Variants in RTN1 observed in about 807,000 individuals in gnomAD.
RTN1 encodes the protein reticulon-1.
Under a neutral mutation model 65.5 loss-of-function variants are expected in RTN1, and 25 were observed. The observed-to-expected ratio is 0.38, with a 90% CI of 0.28 to 0.53. RTN1 has a LOEUF of 0.53. Among genes scored for constraint, RTN1 ranks in the 20% least tolerant of loss-of-function variants. RTN1 has a pLI of 0.79. For synonymous variants in RTN1, 471 were observed against 447.6 expected (o/e 1.05, Z -0.66); for missense variants, 983 against 1,025.4 (o/e 0.96, Z 0.57).
intron 1 of RTN1, among the ~76,000 whole-genome samples, chr14:59,771,100 A>G (rs766365088): frequency 1.4e-4 from 22 of 152,056 alleles, no homozygotes; most frequent in Non-Finnish European, 2.8e-4. Flanking sequence ...TATCAAAGTC[A>G]TCCCTCATCA....
chr14:59,640,084 C>T (rs1469254532), intron 3 of RTN1, among the ~76,000 whole-genome samples: 2 of 152,208 alleles, frequency 1.3e-5, no homozygotes, highest in South Asian at 2.1e-4. Flanking sequence ...ATGTTACTCC[C>T]TCCTGTATTT....
At chr14:59,869,209 A>C (rs1887846867) in intron 1 of RTN1, among the ~76,000 whole-genome samples, 1 of 151,926 alleles carries the variant, frequency 6.6e-6, no homozygotes, top group Admixed American at 6.6e-5. Flanking sequence ...TAGACATTCC[A>C]CATAACCCTT....
At position 59,712,342 on chromosome 14, in the gene RTN1, T is replaced by C. The variant is rs141994453; in HGVS notation, c.1765+14577A>G. On this transcript the variant is annotated intron_variant, in intron 3 of 8. Coordinates refer to ENST00000267484, the MANE Select transcript of RTN1 (RefSeq NM_021136.3). ...AAAATACTGATCTACAGATGTTATA[T>C]CCACATATTATATTCTGAGATATTA... Among the ~76,000 whole-genome samples the C allele has an allele frequency of 9.4e-4, 143 of 152,338 alleles. 1 individual carries two copies. The highest frequency in any genetic ancestry group is 3.3e-3 in the African/African-American group (137 of 41,574).
chr14:59,836,670 G>A lies in RTN1; in HGVS notation c.241+33720C>T, dbSNP rs1451507226. On this transcript the variant is annotated intron_variant, in intron 1 of 8. Coordinates refer to ENST00000267484, the MANE Select transcript of RTN1 (RefSeq NM_021136.3). The surrounding 1 kb of genome is among the most constrained non-coding windows in gnomAD (Gnocchi z 4.9). ...GGAATCCAGAATGACAGGGCAAAGG[G>A]TGTGTTGGGGAGTAGTGAGAGAGAA... Among the ~76,000 whole-genome samples the A allele has an allele frequency of 2.0e-5, 3 of 152,142 alleles. No homozygotes were observed. The highest frequency in any genetic ancestry group is 2.0e-4 in the Admixed American group (3 of 15,266).
intron 1 of RTN1, among the ~76,000 whole-genome samples, chr14:59,808,787 G>T (rs1224375328): frequency 2.6e-5 from 4 of 152,052 alleles, no homozygotes; most frequent in Non-Finnish European, 1.5e-5. Flanking sequence ...ATGCAACCTG[G>T]TCATTTAAAA....
At position 59,803,207 on chromosome 14, in the gene RTN1, A is replaced by G. The variant is rs1426441373; in HGVS notation, c.242-56726T>C. Among the ~76,000 whole-genome samples the G allele has an allele frequency of 3.3e-5, 5 of 152,296 alleles. No homozygotes were observed. In the East Asian group the frequency reaches 7.7e-4, roughly 24 times the overall value. On this transcript the variant is annotated intron_variant, in intron 1 of 8. Coordinates refer to ENST00000267484, the MANE Select transcript of RTN1 (RefSeq NM_021136.3). This position sits in a 1 kb window ranked among gnomAD's most constrained non-coding sequence, Gnocchi z 5.6. ...TGTAATCAGAGTCCCTGGAGCTTTGATTAGACAGGGAGAGTTGGTTCCGTA... is the reference window on the plus strand; with the variant it reads ...TGTAATCAGAGTCCCTGGAGCTTTGGTTAGACAGGGAGAGTTGGTTCCGTA...
At chr14:59,675,068 C>CAT in intron 3 of RTN1, among the ~76,000 whole-genome samples, 1 of 151,882 alleles carries the variant, frequency 6.6e-6, no homozygotes, top group East Asian at 1.9e-4. Flanking sequence ...CACACACACA[C>CAT]ACACACACAA....
chr14:59,664,017 C>T (rs934935889), intron 3 of RTN1, among the ~76,000 whole-genome samples: 5 of 152,042 alleles, frequency 3.3e-5, no homozygotes, highest in Admixed American at 6.6e-5. Context: ...CACATGCACA[C>T]GTATGTTTAT....
At chr14:59,867,931 C>A (rs1887826814) in intron 1 of RTN1, among the ~76,000 whole-genome samples, 1 of 152,144 alleles carries the variant, frequency 6.6e-6, no homozygotes, top group South Asian at 2.1e-4. Context: ...ACCAAATCTA[C>A]CTTGATCTTA....
chr14:59,769,181 G>A (rs1327232739), intron 1 of RTN1, among the ~76,000 whole-genome samples: 2 of 151,814 alleles, frequency 1.3e-5, no homozygotes, highest in Non-Finnish European at 2.9e-5. Flanking sequence ...TTCTCTCTAG[G>A]GCATCTAGTA....
intron 3 of RTN1, among the ~76,000 whole-genome samples, chr14:59,608,910 A>C (rs964712440): frequency 2.0e-5 from 3 of 151,764 alleles, no homozygotes; most frequent in African/African-American, 2.4e-5. Flanking sequence ...GGCAAAAATA[A>C]AAAATAAAAA....
intron 3 of RTN1, among the ~76,000 whole-genome samples, chr14:59,691,211 G>C (rs983494823): frequency 2.6e-5 from 4 of 151,996 alleles, no homozygotes; most frequent in African/African-American, 9.7e-5. Context: ...GAAAAAGAGA[G>C]AGAAGATCCA....
At chr14:59,667,986 C>T (rs1436179955) in intron 3 of RTN1, among the ~76,000 whole-genome samples, 1 of 152,160 alleles carries the variant, frequency 6.6e-6, no homozygotes, top group Admixed American at 6.6e-5. Context: ...ATTCCATGCT[C>T]ATGGATAGGA....
intron 2 of RTN1, among the ~76,000 whole-genome samples, chr14:59,737,569 T>C (rs904632603): frequency 1.3e-5 from 2 of 152,200 alleles, no homozygotes; most frequent in Admixed American, 6.5e-5. Flanking sequence ...ATCAATATCA[T>C]GAAAATGGCC....
chr14:59,679,253 C>T (rs943679542), intron 3 of RTN1, among the ~76,000 whole-genome samples: 1 of 152,166 alleles, frequency 6.6e-6, no homozygotes, highest in African/African-American at 2.4e-5. Context: ...CACAGGTGCT[C>T]TGAAATGAAA....
At chr14:59,831,388 C>T (rs1286303886) in intron 1 of RTN1, among the ~76,000 whole-genome samples, 1 of 152,166 alleles carries the variant, frequency 6.6e-6, no homozygotes, top group Non-Finnish European at 1.5e-5. Flanking sequence ...TGCCTAACTG[C>T]CTTTAACCTG....
At chr14:59,867,150 T>C (rs760816614) in intron 1 of RTN1, among the ~76,000 whole-genome samples, 6 of 152,224 alleles carry the variant, frequency 3.9e-5, no homozygotes, top group Non-Finnish European at 7.3e-5. Flanking sequence ...TGAGTTAACC[T>C]CTATTTCATT....
At chr14:59,604,212 G>A (rs1881672645) in intron 5 of RTN1, 3 of 185,034 alleles carry the variant, frequency 1.6e-5, no homozygotes, top group East Asian at 1.2e-4. Context: ...AGTTAATAAA[G>A]GTTTTTACAT....
Position 59,829,940 on chromosome 14 carries a change from G to T in RTN1, c.241+40450C>A, listed in dbSNP as rs1163183326. The stretch of plus-strand genomic sequence containing the variant: ...TTGTACCCAAGGACACAAACTGTAT[G>T]CTGAGTCATTGGGGTTTGAGAGTTT... On this transcript the variant is annotated intron_variant, in intron 1 of 8. Transcript: ENST00000267484. This position sits in a 1 kb window ranked among gnomAD's most constrained non-coding sequence, Gnocchi z 4.3. Among the ~76,000 whole-genome samples, 1 of 152,172 alleles carries T rather than the reference G, an allele frequency of 6.6e-6. No individual in the cohort carries two copies. Among genetic ancestry groups the T allele is most frequent in the Non-Finnish European group, 1.5e-5 (1 of 68,032 alleles).
Sources: gnomAD v4.1 joint callset for allele counts (sites outside exome capture counted in the v4.1 genomes callset) on GRCh38, gnomAD v4.1.1 for gene constraint, Gnocchi (gnomAD v3.1) non-coding constraint, MANE v1.5 for transcripts, NCBI Gene and HGNC (gene_info 2026-07-23, HGNC 2026-07-21) for gene names.